GRIK1: variants seen among roughly 807,000 people sequenced by gnomAD.
The protein encoded by GRIK1 is glutamate ionotropic receptor kainate type subunit 1.
In GRIK1, 69 loss-of-function variants were observed where a neutral mutation model predicts 105.7. That is an observed-to-expected ratio of 0.65 (90% CI 0.54 to 0.80). The LOEUF is 0.80. GRIK1 is among the 30% of genes least tolerant of loss of function. The pLI, the probability that GRIK1 is intolerant of heterozygous loss-of-function variation, is 0.00. For missense variants in GRIK1, 1,109 were observed against 1,167.3 expected, an observed-to-expected ratio of 0.95 and a Z score of 0.73; for synonymous variants, 438 against 431.3, an observed-to-expected ratio of 1.02 and a Z score of -0.19.
chr21:29,619,463 A>T (rs2061936500), intron 7 of GRIK1, among the ~76,000 whole-genome samples: 1 of 151,698 alleles, frequency 6.6e-6, no homozygotes, highest in Admixed American at 6.6e-5. Context: ...GATTCAACGG[A>T]CTTTGGTGAC....
intron 1 of GRIK1, among the ~76,000 whole-genome samples, chr21:29,880,693 G>C (rs749273954): frequency 6.6e-6 from 1 of 151,874 alleles, no homozygotes; most frequent in Non-Finnish European, 1.5e-5. Context: ...TGCAGATGGA[G>C]TGTCTTTTCA....
At chr21:29,642,772 G>A (rs2146526825) in intron 7 of GRIK1, 54 bp downstream of exon 7, 2 of 1,549,844 alleles carry the variant, frequency 1.3e-6, no homozygotes, top group South Asian at 1.1e-5. Context: ...TACCAAATGG[G>A]CAAGCCCAAC....
chr21:29,656,195 T>A (rs574032531), intron 4 of GRIK1, among the ~76,000 whole-genome samples: 122 of 151,040 alleles, frequency 8.1e-4, no homozygotes, highest in African/African-American at 2.9e-3. Flanking sequence ...ACCCCGTCTC[T>A]ACTAAAAATA....
chr21:29,630,820 C>G (rs1026588296), intron 7 of GRIK1: 2 of 353,744 alleles, frequency 5.7e-6, no homozygotes, highest in Non-Finnish European at 1.1e-5. Context: ...GAGACAGGCT[C>G]TCTTGTTCTC....
intron 1 of GRIK1, among the ~76,000 whole-genome samples, chr21:29,886,103 T>C (rs1569189651): frequency 6.6e-6 from 1 of 152,090 alleles, no homozygotes; most frequent in Non-Finnish European, 1.5e-5. Flanking sequence ...CAAGGCACTT[T>C]CCTCCCAAAT....
chr21:29,722,382 C>T (rs2064343987), intron 1 of GRIK1, among the ~76,000 whole-genome samples: 1 of 151,814 alleles, frequency 6.6e-6, no homozygotes, highest in Non-Finnish European at 1.5e-5. Flanking sequence ...CGATGAAACC[C>T]CATCTCTACT....
At chr21:29,644,540 G>A (rs2062579018) in intron 6 of GRIK1, among the ~76,000 whole-genome samples, 1 of 152,170 alleles carries the variant, frequency 6.6e-6, no homozygotes, top group African/African-American at 2.4e-5. Flanking sequence ...TTGACATACT[G>A]ACGTTGGATT....
chr21:29,764,046 C>T (rs940416179), intron 1 of GRIK1: 2 of 152,168 alleles, frequency 1.3e-5, no homozygotes, highest in Non-Finnish European at 2.9e-5. Context: ...CAGATGTGTA[C>T]ACATTCGGAA....
chr21:29,937,390 C>T lies in GRIK1; in HGVS notation c.118+1993G>A, dbSNP rs140711221. Among the ~76,000 whole-genome samples, 4 of 152,270 alleles carry T rather than the reference C, an allele frequency of 2.6e-5. No homozygotes were observed. In the East Asian group the frequency reaches 7.7e-4, roughly 29 times the overall value. On this transcript the variant is annotated intron_variant, in intron 1 of 17. Transcript: ENST00000327783. ...CCATGCCATGCCATTTTATTTTATG[C>T]ATTTTGGCTCCCATTTAGAAAAAAG... is the stretch of plus-strand genomic sequence containing the variant.
At chr21:29,636,131 A>C (rs374666906) in intron 7 of GRIK1, among the ~76,000 whole-genome samples, 1 of 152,166 alleles carries the variant, frequency 6.6e-6, no homozygotes, top group African/African-American at 2.4e-5. Flanking sequence ...GTAAACAGGG[A>C]AAGGAGAAAG....
chr21:29,787,911 C>A (rs775939457), intron 1 of GRIK1, among the ~76,000 whole-genome samples: 2 of 152,120 alleles, frequency 1.3e-5, no homozygotes, highest in African/African-American at 2.4e-5. Context: ...TCATTTTGTT[C>A]CTCGTTTATC....
rs147353174 is a variant in GRIK1 at position 29,720,495 on chromosome 21, A to ATGTG, written c.119-26436_119-26433dup. Among the ~76,000 whole-genome samples, 1,402 of 150,030 alleles carry ATGTG rather than the reference A, an allele frequency of 9.3e-3. 20 individuals are homozygous for ATGTG. Among genetic ancestry groups the ATGTG allele is most frequent in the African/African-American group, 0.033 (1,348 of 40,584 alleles). On this transcript the variant is annotated intron_variant, in intron 1 of 17. Coordinates refer to ENST00000327783, the MANE Select transcript of GRIK1 (RefSeq NM_001330994.2). ...AGCAACCAGTTGCATGTGTGTGTAT[A>ATGTG]TGTGTGTGTGTGTGTGTATGCTGCG...
intron 1 of GRIK1, among the ~76,000 whole-genome samples, chr21:29,875,203 T>C (rs1601917131): frequency 6.6e-6 from 1 of 152,072 alleles, no homozygotes; most frequent in Non-Finnish European, 1.5e-5. Flanking sequence ...TACTGTTTAG[T>C]GTCTCTGTAA....
intron 6 of GRIK1, among the ~76,000 whole-genome samples, chr21:29,646,819 A>T (rs142162890): frequency 6.6e-6 from 1 of 151,824 alleles, no homozygotes; most frequent in South Asian, 2.1e-4. Flanking sequence ...TTCTGCCATG[A>T]TATTTCAGAA....
intron 1 of GRIK1, among the ~76,000 whole-genome samples, chr21:29,708,778 A>G (rs1287700882): frequency 6.6e-6 from 1 of 152,212 alleles, no homozygotes; most frequent in Non-Finnish European, 1.5e-5. Context: ...TTAAGCCTCA[A>G]TTTTAATCCT....
intron 16 of GRIK1, among the ~76,000 whole-genome samples, chr21:29,545,568 G>A (rs554036706): frequency 2.6e-4 from 39 of 152,284 alleles, no homozygotes; most frequent in Non-Finnish European, 2.6e-4. Flanking sequence ...TTCTCTACAG[G>A]GAATGGCACT....
At chr21:29,887,739 G>T (rs989145727) in intron 1 of GRIK1, among the ~76,000 whole-genome samples, 1 of 151,782 alleles carries the variant, frequency 6.6e-6, no homozygotes, top group Admixed American at 6.6e-5. Context: ...TTTTTCCTTA[G>T]GCTTGTTATC....
chr21:29,718,373 C>T (rs2064229945), intron 1 of GRIK1, among the ~76,000 whole-genome samples: 1 of 151,472 alleles, frequency 6.6e-6, no homozygotes, highest in Non-Finnish European at 1.5e-5. Context: ...ATCCACTTAC[C>T]AAAAAAAATG....
intron 3 of GRIK1, among the ~76,000 whole-genome samples, chr21:29,679,849 G>A (rs1035522185): frequency 1.3e-5 from 2 of 152,078 alleles, no homozygotes; most frequent in African/African-American, 4.8e-5. Context: ...ACTGGAACAC[G>A]GTCTTCCTGT....
Sources: allele counts gnomAD v4.1 joint callset (sites outside exome capture counted in the v4.1 genomes callset), GRCh38; gene constraint gnomAD v4.1.1; transcripts MANE v1.5; gene names NCBI Gene and HGNC (gene_info 2026-07-23, HGNC 2026-07-21).